The following GRID1 variants were observed in gnomAD, a reference collection of about 807,000 sequenced individuals.
GRID1 encodes the protein glutamate receptor ionotropic, delta-1.
Under a neutral mutation model 98.0 loss-of-function variants are expected in GRID1, and 28 were observed. The observed-to-expected ratio is 0.29, with a 90% CI of 0.21 to 0.39. The LOEUF is 0.39. Among genes scored for constraint, GRID1 ranks in the 10% least tolerant of loss-of-function variants. The pLI is 1.00. For missense variants in GRID1, 1,111 were observed against 1,340.5 expected (o/e 0.83, Z 2.67); for synonymous variants, 553 against 538.5 (o/e 1.03, Z -0.37).
intron 4 of GRID1, among the ~76,000 whole-genome samples, chr10:86,028,211 C>T (rs1157194439): frequency 1.3e-5 from 2 of 152,238 alleles, no homozygotes; most frequent in Admixed American, 1.3e-4. Flanking sequence ...CCTGCTCCCA[C>T]TGCATATGTG....
chr10:86,364,174 C>A lies in GRID1; in HGVS notation c.80-78G>T. ...TTCCCTTGGCCCGAGGGTCAAGGCA[C>A]TCGCAGACCGATGATTGCCGGGTGG... On this transcript the variant is annotated intron_variant, in intron 1 of 15. Coordinates refer to ENST00000327946, the MANE Select transcript of GRID1 (RefSeq NM_017551.3). The A allele has an allele frequency of 2.4e-6, 3 of 1,226,072 alleles. No homozygotes were observed. The East Asian group carries it at 7.1e-5, about 29-fold the overall frequency. 75.9% of individuals were successfully genotyped at this position (1,226,072 alleles called of 1,614,324 possible). A position where few individuals can be genotyped will look rare whatever the true frequency, so the allele number is the denominator to read the frequency against.
intron 2 of GRID1, among the ~76,000 whole-genome samples, chr10:86,256,248 G>T (rs762443770): frequency 6.6e-6 from 1 of 152,142 alleles, no homozygotes; most frequent in Non-Finnish European, 1.5e-5. Flanking sequence ...CACGGCAGGG[G>T]CTCTGCTCCC....
chr10:86,234,623 C>G (rs960790399), intron 2 of GRID1, among the ~76,000 whole-genome samples: 2 of 152,212 alleles, frequency 1.3e-5, no homozygotes, highest in Non-Finnish European at 2.9e-5. Context: ...CCAAGCCCCC[C>G]CAGGTTGGTG....
intron 2 of GRID1, among the ~76,000 whole-genome samples, chr10:86,209,122 A>G (rs1402442577): frequency 6.6e-6 from 1 of 152,274 alleles, no homozygotes; most frequent in Admixed American, 6.5e-5. Context: ...ATCAACATGC[A>G]TGAAAGAAAA....
chr10:85,647,440 ATTGCACAC>A (rs779345360), intron 12 of GRID1, 43 bp from the exon 13 acceptor site: 15 of 1,457,714 alleles, frequency 1.0e-5, no homozygotes, highest in Non-Finnish European at 1.4e-5. Flanking sequence ...CATGCTGTGC[ATTGCACAC>A]TGCAAGGATA....
At chr10:86,351,139 C>T (rs931394066) in intron 2 of GRID1, among the ~76,000 whole-genome samples, 2 of 152,246 alleles carry the variant, frequency 1.3e-5, no homozygotes, top group Non-Finnish European at 1.5e-5. Flanking sequence ...CCTGGGCCAG[C>T]TGCAAGCGCC....
chr10:85,745,827 AT>A (rs1383174825), intron 8 of GRID1, among the ~76,000 whole-genome samples: 1 of 152,176 alleles, frequency 6.6e-6, no homozygotes, highest in African/African-American at 2.4e-5. Context: ...TCCCTGAAGT[AT>A]GGGAAGGAAA....
At chr10:86,146,485 C>G (rs68141557) in intron 3 of GRID1, among the ~76,000 whole-genome samples, 6,531 of 152,264 alleles carry the variant, frequency 0.043, 150 homozygotes, top group Non-Finnish European at 0.054. Flanking sequence ...ATGGCAGCAG[C>G]GTCTGCCATT....
intron 2 of GRID1, among the ~76,000 whole-genome samples, chr10:86,277,356 A>G (rs1027505507): frequency 6.6e-6 from 1 of 152,252 alleles, no homozygotes; most frequent in Non-Finnish European, 1.5e-5. Context: ...TTGAAATGAA[A>G]GGACACTACA....
At chr10:86,065,501 T>G (rs1423092006) in intron 4 of GRID1, among the ~76,000 whole-genome samples, 2 of 152,210 alleles carry the variant, frequency 1.3e-5, no homozygotes. Flanking sequence ...GCATTCAAAT[T>G]CTGTTGCATG....
intron 4 of GRID1, among the ~76,000 whole-genome samples, chr10:85,998,585 C>T (rs1302490768): frequency 6.6e-6 from 1 of 151,746 alleles, no homozygotes; most frequent in Non-Finnish European, 1.5e-5. Flanking sequence ...TCTTAAGAGA[C>T]TATAAAAATA....
chr10:86,055,758 A>AAGG lies in GRID1; in HGVS notation c.726+83060_726+83061insCCT, dbSNP rs1554849837. Among the ~76,000 whole-genome samples, 67 of 151,606 alleles carry AAGG rather than the reference A, an allele frequency of 4.4e-4. No individual in the cohort carries two copies. The East Asian group carries it at 7.4e-3, about 17-fold the overall frequency. On this transcript the variant is annotated intron_variant, in intron 4 of 15. Coordinates refer to ENST00000327946, the MANE Select transcript of GRID1 (RefSeq NM_017551.3). ...ACTTCATCTCAACAACAACAAGAAG[A>AAGG]AGAAGGAGAAGGAGAAGGAGAAGAA...
chr10:85,777,545 C>T (rs1386997022), intron 8 of GRID1, among the ~76,000 whole-genome samples: 2 of 152,200 alleles, frequency 1.3e-5, no homozygotes, highest in Admixed American at 1.3e-4. Flanking sequence ...ACTGGAGACC[C>T]ATGTCATATT....
At chr10:85,773,407 C>T (rs1397968597) in intron 8 of GRID1, among the ~76,000 whole-genome samples, 1 of 152,196 alleles carries the variant, frequency 6.6e-6, no homozygotes. Flanking sequence ...CCTTTGAAAA[C>T]TGGCACAAGA....
chr10:85,953,366 G>A (rs144244552), intron 4 of GRID1, among the ~76,000 whole-genome samples: 21 of 152,278 alleles, frequency 1.4e-4, no homozygotes, highest in African/African-American at 5.1e-4. Context: ...GCCTATTAGA[G>A]GGTGGAAGGT....
rs1847644366 is a variant in GRID1 at position 86,299,217 on chromosome 10, A to C, written c.235+64724T>G. ...GATTTCTTTTTTTTTTTTTTGTATA[A>C]TAAATGTCTACATTTATTCATCCTA... On this transcript the variant is annotated intron_variant, in intron 2 of 15. Transcript: ENST00000327946. 6.8e-5 allele frequency among the ~76,000 whole-genome samples: 9 copies of C among 132,142 alleles called. No homozygotes were observed. The Admixed American group carries it at 7.4e-4, about 11-fold the overall frequency. The allele number at this position is 132,142 out of a possible 152,430, so 86.7% of individuals were successfully genotyped here. A position where few individuals can be genotyped will look rare whatever the true frequency, so the allele number is the denominator to read the frequency against.
chr10:85,687,749 C>T (rs192209109), intron 12 of GRID1, among the ~76,000 whole-genome samples: 2 of 151,922 alleles, frequency 1.3e-5, no homozygotes, highest in African/African-American at 4.8e-5. Context: ...AGAACACAAA[C>T]GAAGTGGGAA....
intron 2 of GRID1, among the ~76,000 whole-genome samples, chr10:86,312,902 A>C (rs1201165728): frequency 6.6e-6 from 1 of 152,242 alleles, no homozygotes. Flanking sequence ...TCTGCAGCAC[A>C]GGAAACCAGG....
intron 4 of GRID1, among the ~76,000 whole-genome samples, chr10:85,936,922 T>G (rs563492625): frequency 5.3e-5 from 8 of 152,366 alleles, no homozygotes; most frequent in African/African-American, 1.9e-4. Context: ...AATTTGATTT[T>G]ATAAATTAAA....
Sources: allele counts gnomAD v4.1 joint callset (sites outside exome capture counted in the v4.1 genomes callset), GRCh38; gene constraint gnomAD v4.1.1; transcripts MANE v1.5; gene names NCBI Gene and HGNC (gene_info 2026-07-23, HGNC 2026-07-21).